The following MYRIP variants were observed in gnomAD, a reference collection of about 807,000 sequenced individuals.
MYRIP encodes rab effector MyRIP.
MYRIP carries 49 observed loss-of-function variants against 98.0 expected under a neutral mutation model. That is an observed-to-expected ratio of 0.50 (90% CI 0.40 to 0.63). The LOEUF is 0.63. Ranked by LOEUF, MYRIP falls within the 30% of genes least tolerant of loss-of-function variation. The pLI, the probability that MYRIP is intolerant of heterozygous loss-of-function variation, is 0.00. For missense variants in MYRIP, 1,004 were observed against 1,058.2 expected (o/e 0.95, Z 0.71); for synonymous variants, 404 against 409.5 (o/e 0.99, Z 0.16).
At chr3:40,012,382 A>G (rs4676553) in intron 2 of MYRIP, among the ~76,000 whole-genome samples, 41,856 of 152,136 alleles carry the variant, frequency 0.28, 6,437 homozygotes, top group Non-Finnish European at 0.35. Context: ...TTAAAATGGA[A>G]TTAAACCCAA....
rs1953335590 is a variant in MYRIP at position 40,250,346 on chromosome 3, CCT to C, written c.2367+23_2367+24del. On this transcript the variant is annotated intron_variant, in intron 14 of 16. Transcript: ENST00000302541. Reference sequence around the variant, plus strand: ...ACCCAGGTGTGTTTGTCCCTTTCTCCCTCTGTTGGAATGTTACATGGCTTGGA... The same window carrying C: ...ACCCAGGTGTGTTTGTCCCTTTCTCCCTGTTGGAATGTTACATGGCTTGGA... 1 of 1,612,994 alleles carries C rather than the reference CCT, an allele frequency of 6.2e-7. No individual in the cohort carries two copies.
chr3:39,989,850 C>G (rs958524414), intron 2 of MYRIP, among the ~76,000 whole-genome samples: 1 of 152,216 alleles, frequency 6.6e-6, no homozygotes, highest in Non-Finnish European at 1.5e-5. Flanking sequence ...AGCTGTCCAG[C>G]CTCCCCAGCT....
chr3:40,184,648 G>T (rs1447397928), intron 9 of MYRIP, among the ~76,000 whole-genome samples: 1 of 149,426 alleles, frequency 6.7e-6, no homozygotes, highest in South Asian at 2.1e-4. Flanking sequence ...TGATAAATGT[G>T]TAGGATATTA....
At chr3:40,070,516 TTTGA>T (rs557169111) in intron 3 of MYRIP, among the ~76,000 whole-genome samples, 47 of 152,306 alleles carry the variant, frequency 3.1e-4, no homozygotes, top group African/African-American at 1.1e-3. Context: ...GCCTAGTGCT[TTTGA>T]TTAAGGGTCC....
chr3:39,818,808 C>A (rs1473811297), intron 1 of MYRIP, among the ~76,000 whole-genome samples: 4 of 152,104 alleles, frequency 2.6e-5, no homozygotes, highest in Non-Finnish European at 5.9e-5. Flanking sequence ...TGCCAAATTA[C>A]TCCCCAAAGT....
intron 1 of MYRIP, among the ~76,000 whole-genome samples, chr3:39,822,853 T>C (rs561127916): frequency 7.1e-6 from 1 of 141,196 alleles, no homozygotes; most frequent in Non-Finnish European, 1.5e-5. Context: ...TTTCCACAAA[T>C]GACAGGATTT....
At chr3:40,023,076 G>C (rs962661432) in intron 2 of MYRIP, among the ~76,000 whole-genome samples, 1 of 152,166 alleles carries the variant, frequency 6.6e-6, no homozygotes, top group South Asian at 2.1e-4. Context: ...ATAGAACAAG[G>C]AAGGAAGTGG....
At chr3:39,815,532 TGGTTATTGCCAGTATATAGTAA>T (rs1367458868) in intron 1 of MYRIP, among the ~76,000 whole-genome samples, 6 of 152,200 alleles carry the variant, frequency 3.9e-5, no homozygotes, top group African/African-American at 1.4e-4. Flanking sequence ...TTTTTAAAAT[TGGTTATTGCCAGTATATAGTAA>T]GGGGGCTGTT....
chr3:40,186,272 C>T (rs1033269214), intron 9 of MYRIP, among the ~76,000 whole-genome samples: 2 of 152,030 alleles, frequency 1.3e-5, no homozygotes, highest in South Asian at 2.1e-4. Context: ...CAGCCATGCT[C>T]GGAGTCCACT....
At chr3:40,001,936 A>C (rs1669006728) in intron 2 of MYRIP, among the ~76,000 whole-genome samples, 1 of 152,192 alleles carries the variant, frequency 6.6e-6, no homozygotes, top group African/African-American at 2.4e-5. Context: ...AATCACCAGA[A>C]TGCTAGATTT....
chr3:40,192,095 C>A (rs1018662350), intron 10 of MYRIP, among the ~76,000 whole-genome samples: 4 of 147,978 alleles, frequency 2.7e-5, no homozygotes, highest in Non-Finnish European at 5.9e-5. Context: ...ACATCAAAAC[C>A]CTGATGGGTT....
intron 3 of MYRIP, among the ~76,000 whole-genome samples, chr3:40,107,529 GCTCATC>G (rs2125898279): frequency 6.6e-6 from 1 of 152,288 alleles, no homozygotes; most frequent in South Asian, 2.1e-4. Flanking sequence ...TCTTGACAGA[GCTCATC>G]ACTGGGCTGA....
rs146882763 is a variant in MYRIP, at chr3:39,920,860, C to T, written c.110+19934C>T. On this transcript the variant is annotated intron_variant, in intron 2 of 16. Coordinates refer to ENST00000302541, the MANE Select transcript of MYRIP (RefSeq NM_015460.4). ...GAGTCTCCCTCCTGGGCTGGTTCTT[C>T]GTGAGTCACAAGGGCCAGTCCTCCT... Among the ~76,000 whole-genome samples the T allele has an allele frequency of 6.6e-5, 10 of 152,262 alleles. No homozygotes were observed. The East Asian group carries it at 1.4e-3, about 21-fold the overall frequency.
chr3:40,070,886 T>C (rs1213564310), intron 3 of MYRIP, among the ~76,000 whole-genome samples: 2 of 152,166 alleles, frequency 1.3e-5, no homozygotes, highest in Non-Finnish European at 2.9e-5. Context: ...TGAGAGATGT[T>C]GGGCATCTAA....
chr3:40,017,605 C>T (rs377656807), intron 2 of MYRIP, among the ~76,000 whole-genome samples: 5 of 151,504 alleles, frequency 3.3e-5, no homozygotes, highest in African/African-American at 7.3e-5. Context: ...CATAAGGGAA[C>T]TTTGAACAAT....
chr3:40,014,051 CTT>C (rs1321728949), intron 2 of MYRIP, among the ~76,000 whole-genome samples: 1 of 152,138 alleles, frequency 6.6e-6, no homozygotes, highest in Non-Finnish European at 1.5e-5. Flanking sequence ...AAACATCTCT[CTT>C]AGGGCATTTT....
chr3:40,088,437 A>G (rs1948673227), intron 3 of MYRIP, among the ~76,000 whole-genome samples: 1 of 152,216 alleles, frequency 6.6e-6, no homozygotes, highest in African/African-American at 2.4e-5. Context: ...TTACCCTAAT[A>G]TATCCTGAAT....
intron 1 of MYRIP, among the ~76,000 whole-genome samples, chr3:39,862,160 A>C (rs1379602166): frequency 6.6e-6 from 1 of 152,254 alleles, no homozygotes; most frequent in Non-Finnish European, 1.5e-5. Flanking sequence ...GAAACTCTTA[A>C]GCCAGAAGAG....
chr3:40,257,519 C>T (rs541649565), intron 16 of MYRIP, among the ~76,000 whole-genome samples: 47 of 152,202 alleles, frequency 3.1e-4, no homozygotes, highest in African/African-American at 1.1e-3. Flanking sequence ...TAATGGAACA[C>T]TAGGCATAAG....
Sources: allele counts gnomAD v4.1 joint callset (sites outside exome capture counted in the v4.1 genomes callset), GRCh38; gene constraint gnomAD v4.1.1; transcripts MANE v1.5; gene names NCBI Gene and HGNC (gene_info 2026-07-23, HGNC 2026-07-21).